Variants in FAM110B observed in about 807,000 individuals in gnomAD.
FAM110B encodes family with sequence similarity 110 member B.
A neutral mutation model predicts 20.4 loss-of-function variants in FAM110B; 6 were observed. The ratio of observed to expected loss-of-function variants is 0.29; its 90% confidence interval spans 0.16 to 0.58. The LOEUF is 0.58. Among genes scored for constraint, FAM110B ranks in the 20% least tolerant of loss-of-function variants. The pLI, the probability that FAM110B is intolerant of heterozygous loss-of-function variation, is 0.90. For synonymous variants in FAM110B, 226 were observed against 214.1 expected (o/e 1.06, Z -0.49); for missense variants, 434 against 498.2 (o/e 0.87, Z 1.23).
At chr8:58,092,751 G>A (rs185754919) in intron 3 of FAM110B, among the ~76,000 whole-genome samples, 2 of 152,170 alleles carry the variant, frequency 1.3e-5, no homozygotes, top group East Asian at 3.9e-4. Context: ...TAATCTTTTG[G>A]GTATACACCC....
At chr8:58,110,530 G>C (rs925764949) in intron 3 of FAM110B, among the ~76,000 whole-genome samples, 4 of 152,092 alleles carry the variant, frequency 2.6e-5, no homozygotes, top group African/African-American at 9.7e-5. Flanking sequence ...ATCTAATTAA[G>C]TTTTAAGTAA....
intron 2 of FAM110B, among the ~76,000 whole-genome samples, chr8:58,061,422 AC>A (rs201921078): frequency 0.026 from 4,020 of 152,276 alleles, 179 homozygotes; most frequent in African/African-American, 0.09. Flanking sequence ...ATGATAAAAA[AC>A]ATTCATCATA....
chr8:58,105,927 T>C (rs1806900972), intron 3 of FAM110B, among the ~76,000 whole-genome samples: 1 of 152,156 alleles, frequency 6.6e-6, no homozygotes, highest in Non-Finnish European at 1.5e-5. Context: ...TTAGTTTTCC[T>C]ATATTCAGAT....
intron 2 of FAM110B, among the ~76,000 whole-genome samples, chr8:58,045,971 G>A (rs1661252342): frequency 6.6e-6 from 1 of 152,132 alleles, no homozygotes; most frequent in South Asian, 2.1e-4. Context: ...AAGGCAGAAG[G>A]GACAAGGCAG....
intron 2 of FAM110B, among the ~76,000 whole-genome samples, chr8:58,060,885 C>T (rs1232644749): frequency 6.6e-6 from 1 of 152,072 alleles, no homozygotes; most frequent in African/African-American, 2.4e-5. Flanking sequence ...TCCTCATCAG[C>T]GAGACCCACC....
At chr8:58,076,115 G>A (rs1473319496) in intron 3 of FAM110B, among the ~76,000 whole-genome samples, 1 of 152,144 alleles carries the variant, frequency 6.6e-6, no homozygotes, top group Non-Finnish European at 1.5e-5. Context: ...GCACCACCAT[G>A]CCTGGCTAAT....
At chr8:58,091,665 A>G (rs1055238387) in intron 3 of FAM110B, 1 of 152,224 alleles carries the variant, frequency 6.6e-6, no homozygotes, top group Non-Finnish European at 1.5e-5. Flanking sequence ...TAATTTTTAC[A>G]TATTCATGAC....
intron 2 of FAM110B, among the ~76,000 whole-genome samples, chr8:58,061,375 G>A (rs1805655276): frequency 1.3e-5 from 2 of 152,124 alleles, no homozygotes; most frequent in Admixed American, 6.5e-5. Flanking sequence ...ATATAATTGA[G>A]TATGCAAACC....
chr8:58,142,022 T>TCCTGTTCACCTGACTGCA (rs990500442), intron 3 of FAM110B, among the ~76,000 whole-genome samples: 1 of 152,190 alleles, frequency 6.6e-6, no homozygotes, highest in Admixed American at 6.5e-5. Context: ...CAGCTGAGGG[T>TCCTGTTCACCTGACTGCA]CCTGTTCACC....
chr8:57,995,505 A>G (rs1217671420), intron 1 of FAM110B, among the ~76,000 whole-genome samples: 9 of 152,158 alleles, frequency 5.9e-5, no homozygotes, highest in African/African-American at 2.2e-4. Context: ...AGCGGAGCTC[A>G]TAACTTGGCA....
chr8:58,107,551 A>G (rs1806949538), intron 3 of FAM110B, among the ~76,000 whole-genome samples: 1 of 152,236 alleles, frequency 6.6e-6, no homozygotes, highest in Non-Finnish European at 1.5e-5. Flanking sequence ...TTTGATTTTT[A>G]AAAGTCTAAA....
intron 2 of FAM110B, among the ~76,000 whole-genome samples, chr8:58,051,525 G>C (rs181860664): frequency 2.6e-5 from 4 of 152,218 alleles, no homozygotes; most frequent in Admixed American, 2.6e-4. Context: ...ACAAAATCAG[G>C]CTGCTTGTTA....
chr8:58,060,284 G>A (rs1257877314), intron 2 of FAM110B, among the ~76,000 whole-genome samples: 1 of 152,146 alleles, frequency 6.6e-6, no homozygotes, highest in East Asian at 1.9e-4. Context: ...ATTGAATTTT[G>A]TAGGTGGAAT....
At chr8:58,136,671 C>G (rs560800811) in intron 3 of FAM110B, among the ~76,000 whole-genome samples, 1 of 152,174 alleles carries the variant, frequency 6.6e-6, no homozygotes, top group East Asian at 1.9e-4. Flanking sequence ...AAGGCTCCCC[C>G]TCACTGATGC....
At chr8:58,096,674 TG>T (rs1166722289) in intron 3 of FAM110B, among the ~76,000 whole-genome samples, 2 of 152,244 alleles carry the variant, frequency 1.3e-5, no homozygotes, top group African/African-American at 4.8e-5. Flanking sequence ...TTGCAGTTGC[TG>T]GTACTGGTTG....
At chr8:58,040,935 C>CTTT (rs60228265) in intron 2 of FAM110B, among the ~76,000 whole-genome samples, 348 of 97,242 alleles carry the variant, frequency 3.6e-3, no homozygotes, top group Middle Eastern at 8.3e-3. Flanking sequence ...ATGGGAAAAT[C>CTTT]TTTTTTTTTT....
intron 3 of FAM110B, among the ~76,000 whole-genome samples, chr8:58,120,894 A>C (rs953238333): frequency 1.3e-5 from 2 of 152,220 alleles, no homozygotes; most frequent in Admixed American, 6.5e-5. Flanking sequence ...TCCCTCCCAG[A>C]GCCAACATCC....
chr8:58,089,457 C>T (rs1025892597), intron 3 of FAM110B, among the ~76,000 whole-genome samples: 2 of 152,308 alleles, frequency 1.3e-5, no homozygotes, highest in South Asian at 4.1e-4. Context: ...AATCTGATCT[C>T]ACAGGCATTA....
At chr8:58,098,743 A>G (rs28483616) in intron 3 of FAM110B, among the ~76,000 whole-genome samples, 5 of 136,166 alleles carry the variant, frequency 3.7e-5, no homozygotes, top group African/African-American at 1.4e-4. Context: ...TCTCGGCTGG[A>G]ATGCATAGCC....
Sources: gnomAD v4.1 joint callset for allele counts (sites outside exome capture counted in the v4.1 genomes callset) on GRCh38, gnomAD v4.1.1 for gene constraint, MANE v1.5 for transcripts, NCBI Gene and HGNC (gene_info 2026-07-23, HGNC 2026-07-21) for gene names.